CPB1: variants seen among roughly 807,000 people sequenced by gnomAD.
CPB1 encodes the protein carboxypeptidase B1.
Under a neutral mutation model 51.4 loss-of-function variants are expected in CPB1, and 53 were observed. The observed-to-expected ratio is 1.03, with a 90% CI of 0.83 to 1.30. CPB1 has a LOEUF of 1.30. CPB1 is among the 50% of genes most tolerant of loss of function. CPB1 has a pLI of 0.00. For missense variants in CPB1, 494 were observed against 516.2 expected, an observed-to-expected ratio of 0.96 and a Z score of 0.42; for synonymous variants, 189 against 186.9, an observed-to-expected ratio of 1.01 and a Z score of -0.09.
At chr3:148,852,980 G>A (rs550289264) in intron 9 of CPB1, among the ~76,000 whole-genome samples, 143 of 152,184 alleles carry the variant, frequency 9.4e-4, no homozygotes, top group Non-Finnish European at 1.5e-3. Flanking sequence ...CTTATAGACC[G>A]TAAGGGCTTC....
chr3:148,842,111 T>C (rs1478544674), intron 6 of CPB1, among the ~76,000 whole-genome samples, 187 bp downstream of exon 6: 1 of 152,134 alleles, frequency 6.6e-6, no homozygotes, highest in Non-Finnish European at 1.5e-5. Flanking sequence ...ATGGGCCAGG[T>C]GCAGTGGCTC....
At chr3:148,855,698 T>C (rs1713552411) in intron 9 of CPB1, 1 of 152,218 alleles carries the variant, frequency 6.6e-6, no homozygotes, top group Non-Finnish European at 1.5e-5. Flanking sequence ...TATTGAAGAA[T>C]CATATTTCTA....
chr3:148,840,058 T>C (rs1255094227), intron 3 of CPB1, among the ~76,000 whole-genome samples: 2 of 152,192 alleles, frequency 1.3e-5, no homozygotes, highest in Admixed American at 6.5e-5. Context: ...ATTACCTTGC[T>C]ACAGAACTAT....
In CPB1 at chr3:148,841,922, G is replaced by C. The variant is rs771574655; in HGVS notation, c.574G>C (p.Glu192Gln). Residue 192 changes from glutamate to glutamine, a missense_variant and splice_region_variant, in exon 6 of 11, where the codon GAG becomes CAG. Physicochemically the swap from Glu to Gln is conservative, Grantham distance 29. Coordinates refer to ENST00000282957, the MANE Select transcript of CPB1 (RefSeq NM_001871.3). ...SPAFCQWFVREAVRTYGREIQ... is the reference protein window; with the variant it reads ...SPAFCQWFVRQAVRTYGREIQ... ...TGCATTCTGCCAGTGGTTTGTAAGA[G>C]AGGTCAGTGTGTAGAGTGGTTTTTG... The C allele has an allele frequency of 3.1e-6, 5 of 1,609,496 alleles. No individual in the cohort carries two copies. Among genetic ancestry groups the C allele is most frequent in the Admixed American group, 1.7e-5 (1 of 59,996 alleles).
chr3:148,838,499 G>T (rs1287788386), intron 3 of CPB1: 1 of 151,708 alleles, frequency 6.6e-6, no homozygotes, highest in Non-Finnish European at 1.5e-5. Context: ...TTTGTTTCCA[G>T]GTTTTTGTCT....
At chr3:148,837,827 T>C (rs551862915) in intron 3 of CPB1, among the ~76,000 whole-genome samples, 1 of 151,990 alleles carries the variant, frequency 6.6e-6, no homozygotes, top group Non-Finnish European at 1.5e-5. Context: ...AACTAACTGG[T>C]TTTTTATGCT....
chr3:148,859,444 T>C (rs1251662057), intron 10 of CPB1, among the ~76,000 whole-genome samples: 2 of 152,176 alleles, frequency 1.3e-5, no homozygotes, highest in Non-Finnish European at 2.9e-5. Context: ...TTCAGCCGGG[T>C]TTAGAGTTTT....
At chr3:148,831,267 T>C (rs1235249860) in intron 2 of CPB1, among the ~76,000 whole-genome samples, 2 of 152,232 alleles carry the variant, frequency 1.3e-5, no homozygotes, top group Non-Finnish European at 2.9e-5. Flanking sequence ...TTTTTCTCTA[T>C]GCCTGGAGTA....
chr3:148,856,914 G>A (rs1158694878), intron 9 of CPB1: 1 of 152,124 alleles, frequency 6.6e-6, no homozygotes, highest in African/African-American at 2.4e-5. Context: ...ACTCATCCTT[G>A]GAACTGCCAA....
intron 3 of CPB1, among the ~76,000 whole-genome samples, chr3:148,838,013 C>T (rs1712955840): frequency 6.6e-6 from 1 of 152,084 alleles, no homozygotes; most frequent in African/African-American, 2.4e-5. Context: ...CCTTGGGAGG[C>T]CTAGGCAGGT....
At chr3:148,846,797 G>GTGTGTGTGTGTGTATATATA (rs1364486523) in intron 9 of CPB1, among the ~76,000 whole-genome samples, 14 of 50,508 alleles carry the variant, frequency 2.8e-4, no homozygotes, top group East Asian at 7.9e-4. Context: ...GTGTGCGTGT[G>GTGTGTGTGTGTGTATATATA]TATATATATA....
intron 9 of CPB1, among the ~76,000 whole-genome samples, chr3:148,846,510 T>C (rs763161778): frequency 6.6e-6 from 1 of 151,694 alleles, no homozygotes; most frequent in Non-Finnish European, 1.5e-5. Flanking sequence ...ATGCATAAAT[T>C]TGAAGACCTA....
rs748748806 is a variant in CPB1 at position 148,860,012 on chromosome 3, C to T, written c.*10C>T. ...GGAACACCTGTACTAGTTGAGAAAG[C>T]TGATGGCCTTGTTTCAAAATTCTCA... is the stretch of plus-strand genomic sequence containing the variant. On this transcript the variant is annotated 3_prime_UTR_variant, in exon 11 of 11. Coordinates refer to ENST00000282957, the MANE Select transcript of CPB1 (RefSeq NM_001871.3). The T allele has an allele frequency of 5.0e-6, 8 of 1,591,894 alleles. No homozygotes were observed. The Admixed American group carries it at 1.3e-4, about 25-fold the overall frequency.
At chr3:148,857,790 TC>T (rs1559962833) in intron 10 of CPB1, among the ~76,000 whole-genome samples, 1 of 151,914 alleles carries the variant, frequency 6.6e-6, no homozygotes, top group Non-Finnish European at 1.5e-5. Flanking sequence ...TCCCAGCTAC[TC>T]AGGAGGCTGA....
chr3:148,829,855 T>C (rs756292434), intron 2 of CPB1, among the ~76,000 whole-genome samples: 1 of 152,192 alleles, frequency 6.6e-6, no homozygotes, highest in Admixed American at 6.5e-5. Context: ...CATTAACCTA[T>C]TCTGCTTGCA....
At chr3:148,839,381 T>C (rs1349702450) in intron 3 of CPB1, among the ~76,000 whole-genome samples, 1 of 152,168 alleles carries the variant, frequency 6.6e-6, no homozygotes, top group African/African-American at 2.4e-5. Context: ...AAATAAAAAA[T>C]TCACGTTGTT....
intron 9 of CPB1, among the ~76,000 whole-genome samples, chr3:148,848,975 T>C (rs1433138996): frequency 6.6e-6 from 1 of 152,224 alleles, no homozygotes; most frequent in African/African-American, 2.4e-5. Context: ...GAGCTTCTAA[T>C]GGCCTCATAA....
intron 5 of CPB1, among the ~76,000 whole-genome samples, chr3:148,841,550 A>G (rs541301131): frequency 2.1e-4 from 32 of 152,238 alleles, no homozygotes; most frequent in Non-Finnish European, 3.8e-4. Context: ...CATGAGTACA[A>G]TTAAGCAGGG....
intron 6 of CPB1, among the ~76,000 whole-genome samples, chr3:148,843,550 C>G (rs556890875): frequency 3.7e-4 from 56 of 151,954 alleles, no homozygotes; most frequent in Non-Finnish European, 7.1e-4. Context: ...TACTATTTTT[C>G]CAATTTGTAG....
Sources: gnomAD v4.1 joint callset for allele counts (sites outside exome capture counted in the v4.1 genomes callset) on GRCh38, gnomAD v4.1.1 for gene constraint, MANE v1.5 for transcripts, NCBI Gene and HGNC (gene_info 2026-07-23, HGNC 2026-07-21) for gene names.